The following TMX3 variants were observed in gnomAD, a reference collection of about 807,000 sequenced individuals.
TMX3 encodes the protein thioredoxin related transmembrane protein 3.
In TMX3, 40 loss-of-function variants were observed where a neutral mutation model predicts 64.4. That is an observed-to-expected ratio of 0.62 (90% CI 0.48 to 0.81). The LOEUF is 0.81. TMX3 is among the 30% of genes least tolerant of loss of function. The probability of loss-of-function intolerance (pLI) is 0.00; values close to 1 mark genes in which losing one functional copy is unlikely to be tolerated. For synonymous variants in TMX3, 189 were observed against 175.7 expected (o/e 1.08, Z -0.60); for missense variants, 497 against 534.5 (o/e 0.93, Z 0.69).
chr18:68,704,432 T>TA (rs1316621998), intron 4 of TMX3, among the ~76,000 whole-genome samples: 1 of 152,090 alleles, frequency 6.6e-6, no homozygotes, highest in Non-Finnish European at 1.5e-5. Flanking sequence ...GTAATTCAGA[T>TA]AAAGAAACTA....
intron 4 of TMX3, among the ~76,000 whole-genome samples, chr18:68,702,175 CA>C (rs375234012): frequency 0.019 from 835 of 44,034 alleles, 4 homozygotes; most frequent in East Asian, 0.075. Flanking sequence ...TTACTCCTCT[CA>C]AAAAAAAAAA....
At chr18:68,697,901 T>C (rs749573915) in intron 7 of TMX3, 31 bp downstream of exon 7, 3 of 1,372,944 alleles carry the variant, frequency 2.2e-6, no homozygotes, top group South Asian at 2.4e-5. Context: ...TTACAATACA[T>C]CTGTTTTTGT....
intron 8 of TMX3, among the ~76,000 whole-genome samples, chr18:68,691,845 T>C: frequency 6.6e-6 from 1 of 152,180 alleles, no homozygotes; most frequent in Admixed American, 6.5e-5. Context: ...TAATAAGGGA[T>C]CATTCAGAAA....
chr18:68,707,981 GTATGTGTA>G (rs1474199088), intron 4 of TMX3, among the ~76,000 whole-genome samples: 71 of 149,612 alleles, frequency 4.7e-4, no homozygotes, highest in African/African-American at 1.7e-3. Flanking sequence ...ACATATATGT[GTATGTGTA>G]TATATGTGTA....
chr18:68,712,741 A>G (rs112374548), intron 2 of TMX3, among the ~76,000 whole-genome samples: 1,862 of 152,194 alleles, frequency 0.012, 16 homozygotes, highest in African/African-American at 0.021. Context: ...CTCCTTGTTA[A>G]CAATCGTTCT....
chr18:68,677,002 G>A lies in TMX3; in HGVS notation c.1296C>T (p.Pro432=), dbSNP rs1158670867. Residue 432 remains proline, a synonymous_variant, in exon 16 of 16, where the codon CCC becomes CCT. Coordinates refer to ENST00000299608, the MANE Select transcript of TMX3 (RefSeq NM_019022.5). ...QIEESKEQQE[P]SSGGSVVPTV... ...TAGGCACTACAGATCCTCCACTGCTGGGCTCCTGCTGTTCTTTGCTCTCTT... is the reference window on the plus strand; with the variant it reads ...TAGGCACTACAGATCCTCCACTGCTAGGCTCCTGCTGTTCTTTGCTCTCTT... 1 of 1,613,722 alleles carries A rather than the reference G, an allele frequency of 6.2e-7. No individual in the cohort carries two copies. Among genetic ancestry groups the A allele is most frequent in the Non-Finnish European group, 8.5e-7 (1 of 1,179,800 alleles).
At position 68,701,796 on chromosome 18, in the gene TMX3, T is replaced by A. The variant is rs201437711; in HGVS notation, c.266-6A>T. Reference sequence around the variant, plus strand: ...TCCAAACTCTGAAGCAATGCCTTGATAAGAAAAAGAATAAAGCATTCTAAA... The same window carrying A: ...TCCAAACTCTGAAGCAATGCCTTGAAAAGAAAAAGAATAAAGCATTCTAAA... On this transcript the variant is annotated splice_polypyrimidine_tract_variant and splice_region_variant and intron_variant, in intron 4 of 15. Transcript: ENST00000299608. The A allele has an allele frequency of 5.3e-5, 86 of 1,609,616 alleles. No individual in the cohort carries two copies. The highest frequency in any genetic ancestry group is 6.6e-5 in the Non-Finnish European group (78 of 1,178,554).
At chr18:68,687,494 G>T (rs907724656) in intron 10 of TMX3, 173 bp downstream of exon 10, 11 of 985,080 alleles carry the variant, frequency 1.1e-5, no homozygotes, top group Non-Finnish European at 3.6e-6. Context: ...ACATGCAAAG[G>T]TATATCTTCT....
At chr18:68,688,747 T>C (rs1290024214) in intron 9 of TMX3, 1 of 152,226 alleles carries the variant, frequency 6.6e-6, no homozygotes, top group East Asian at 1.9e-4. Context: ...GTCCACTGCA[T>C]GCTAAAAGCA....
chr18:68,705,454 A>C (rs2145119923), intron 4 of TMX3, among the ~76,000 whole-genome samples: 1 of 152,368 alleles, frequency 6.6e-6, no homozygotes, highest in African/African-American at 2.4e-5. Context: ...TTTTAACTAC[A>C]ATCTACGAAC....
intron 12 of TMX3, 67 bp downstream of exon 12, chr18:68,684,123 T>G (rs1913714005): frequency 1.7e-6 from 2 of 1,166,716 alleles, no homozygotes; most frequent in African/African-American, 3.1e-5. Context: ...CTACTAAGTT[T>G]GCTTTACTAA....
chr18:68,687,715 T>A lies in TMX3; in HGVS notation c.688A>T (p.Asn230Tyr). 26 of 1,612,750 alleles carry A rather than the reference T, an allele frequency of 1.6e-5. No individual in the cohort carries two copies. Among genetic ancestry groups the A allele is most frequent in the Non-Finnish European group, 2.2e-5 (26 of 1,179,404 alleles). Residue 230 changes from asparagine (N) to tyrosine (Y), a missense_variant, in exon 10 of 16, where the codon AAT becomes TAT. By Grantham distance (143) the Asn-to-Tyr change is moderately radical. Around this residue, in one of 3 missense-constraint regions of TMX3, gnomAD observed 360 missense variants for 383.5 expected, o/e 0.94. Transcript: ENST00000299608. ...SSWINRERFQ[N>Y]YLAMDGFLLY... Reference sequence around the variant, plus strand: ...AGGAAGCCATCCATAGCAAGGTAATTCTGAAACCTTTCCCTGTTGATCCAT... The same window carrying A: ...AGGAAGCCATCCATAGCAAGGTAATACTGAAACCTTTCCCTGTTGATCCAT...
At chr18:68,703,240 T>C (rs1046357332) in intron 4 of TMX3, among the ~76,000 whole-genome samples, 1 of 152,210 alleles carries the variant, frequency 6.6e-6, no homozygotes, top group African/African-American at 2.4e-5. Flanking sequence ...CTTATTACCT[T>C]CAATTAAAAC....
chr18:68,687,436 T>G, intron 10 of TMX3: 1 of 985,414 alleles, frequency 1.0e-6, no homozygotes, highest in Non-Finnish European at 1.2e-6. Context: ...TTTGTTTTCC[T>G]TATCACCATC....
At position 68,698,038 on chromosome 18, in the gene TMX3, C is replaced by T; in HGVS notation, c.393-7G>A. 6.3e-7 allele frequency: 1 copy of T among 1,595,268 alleles called. No individual in the cohort carries two copies. The highest frequency in any genetic ancestry group is 8.6e-7 in the Non-Finnish European group (1 of 1,169,488). ...AAGTGGCCGAATTAGAGCCCTGTTG[C>T]ACAACAAAACAAAAAACAAACTTGA... On this transcript the variant is annotated splice_polypyrimidine_tract_variant and splice_region_variant and intron_variant, in intron 6 of 15. Coordinates refer to ENST00000299608, the MANE Select transcript of TMX3 (RefSeq NM_019022.5).
intron 8 of TMX3, among the ~76,000 whole-genome samples, chr18:68,696,758 T>A (rs1025055662): frequency 6.6e-6 from 1 of 152,164 alleles, no homozygotes; most frequent in African/African-American, 2.4e-5. Context: ...ATTACAGGCA[T>A]GAGGCACTGC....
rs2031841980 is a variant in TMX3, at chr18:68,715,104, T to A, written c.-123A>T. ...CCGGAGCGGAAGAGAAGCACCGCGCTAACTACGGGGGCGGGGCTACCCGGC... is the reference window on the plus strand; with the variant it reads ...CCGGAGCGGAAGAGAAGCACCGCGCAAACTACGGGGGCGGGGCTACCCGGC... On this transcript the variant is annotated 5_prime_UTR_variant, in exon 1 of 16. Transcript: ENST00000299608. 1 of 1,511,950 alleles carries A rather than the reference T, an allele frequency of 6.6e-7. No homozygotes were observed. Among genetic ancestry groups the A allele is most frequent in the Non-Finnish European group, 8.9e-7 (1 of 1,126,614 alleles). 93.7% of individuals were successfully genotyped at this position (1,511,950 alleles called of 1,614,324 possible).
chr18:68,697,076 T>C (rs886459173), intron 8 of TMX3, 150 bp downstream of exon 8: 1 of 503,916 alleles, frequency 2.0e-6, no homozygotes, highest in Non-Finnish European at 3.5e-6. Flanking sequence ...AGAATCAGCA[T>C]GTTTACTTTT....
intron 15 of TMX3, among the ~76,000 whole-genome samples, chr18:68,678,455 A>G (rs1011542065): frequency 6.6e-6 from 1 of 152,098 alleles, no homozygotes; most frequent in African/African-American, 2.4e-5. Flanking sequence ...CAGGGACTGC[A>G]AAGGGGAAAG....
Sources: gnomAD v4.1 joint callset for allele counts (sites outside exome capture counted in the v4.1 genomes callset) on GRCh38, gnomAD v4.1.1 for gene constraint, gnomAD v4.1.1 regional missense constraint, MANE v1.5 for transcripts, NCBI Gene and HGNC (gene_info 2026-07-23, HGNC 2026-07-21) for gene names.